AMELY: variants seen among roughly 807,000 people sequenced by gnomAD.
AMELY encodes amelogenin Y-linked.
In AMELY, 4 loss-of-function variants were observed where a neutral mutation model predicts 4.2. That is an observed-to-expected ratio of 0.96 (90% CI 0.47 to 2.19). The LOEUF (loss-of-function observed/expected upper bound fraction) is 2.19, where lower values mean the gene tolerates loss of function less well. AMELY is among the 30% of genes most tolerant of loss of function. The pLI is 0.02. For missense variants in AMELY, 32 were observed against 41.5 expected (o/e 0.77, Z 0.63); for synonymous variants, 11 against 14.7 (o/e 0.75, Z 0.57).
At chrY:6,884,513 C>A (rs2054077637) in intron 1 of AMELY, among the ~76,000 whole-genome samples, 1 of 32,080 alleles carries the variant, frequency 3.1e-5, no homozygotes, top group African/African-American at 1.2e-4. Context: ...GCTAAACATC[C>A]CACTTAAAAA....
chrY:6,881,335 G>A (rs2054074833), intron 1 of AMELY, among the ~76,000 whole-genome samples: 1 of 33,178 alleles, frequency 3.0e-5, no homozygotes, highest in Non-Finnish European at 7.4e-5. Context: ...CAGAACCAAT[G>A]ACAAAAACCA....
chrY:6,867,109 C>T, intron 6 of AMELY, among the ~76,000 whole-genome samples: 1 of 33,222 alleles, frequency 3.0e-5, no homozygotes, highest in Non-Finnish European at 7.4e-5. Context: ...TGTCATTTTC[C>T]CCCATTTAAA....
At chrY:6,888,399 G>T (rs2054081250) in intron 1 of AMELY, among the ~76,000 whole-genome samples, 3 of 32,924 alleles carry the variant, frequency 9.1e-5, no homozygotes, top group Non-Finnish European at 2.2e-4. Flanking sequence ...TTTTTCTGTA[G>T]GTTGAAGCAT....
intron 1 of AMELY, among the ~76,000 whole-genome samples, chrY:6,887,351 C>A (rs2054080653): frequency 3.0e-5 from 1 of 33,145 alleles, no homozygotes; most frequent in Non-Finnish European, 7.4e-5. Flanking sequence ...GCAAATGATT[C>A]AAACAATAAT....
chrY:6,886,331 G>A (rs895657654), intron 1 of AMELY, among the ~76,000 whole-genome samples: 3 of 33,618 alleles, frequency 8.9e-5, no homozygotes, highest in Non-Finnish European at 1.5e-4. Flanking sequence ...AGAAATAACC[G>A]ATAAACATGA....
chrY:6,867,777 CATAAT>C (rs2124079812), intron 6 of AMELY, among the ~76,000 whole-genome samples: 1 of 33,182 alleles, frequency 3.0e-5, no homozygotes, highest in African/African-American at 1.2e-4. Context: ...AATGGGTTGT[CATAAT>C]ATACAGTCTG....
chrY:6,884,609 G>A (rs964729962), intron 1 of AMELY, among the ~76,000 whole-genome samples: 3 of 32,226 alleles, frequency 9.3e-5, no homozygotes, highest in Admixed American at 2.9e-4. Context: ...ATACTCACAA[G>A]CTCAAAATAA....
intron 1 of AMELY, among the ~76,000 whole-genome samples, chrY:6,899,658 AG>A (rs2054088175): frequency 3.1e-5 from 1 of 32,017 alleles, no homozygotes; most frequent in African/African-American, 1.2e-4. Flanking sequence ...GCTTCAACTC[AG>A]GAGGTGGAGG....
chrY:6,892,312 A>T, intron 1 of AMELY, among the ~76,000 whole-genome samples: 4 of 33,855 alleles, frequency 1.2e-4, no homozygotes, highest in African/African-American at 4.6e-4. Context: ...AATAAAAATC[A>T]GAAAGGTTGG....
intron 1 of AMELY, among the ~76,000 whole-genome samples, chrY:6,882,794 A>G: frequency 3.0e-5 from 1 of 33,402 alleles, no homozygotes; most frequent in Non-Finnish European, 7.4e-5. Flanking sequence ...GGATATGAAC[A>G]GACACTTCTC....
intron 1 of AMELY, among the ~76,000 whole-genome samples, chrY:6,908,450 A>C (rs765054959): frequency 5.0e-4 from 8 of 16,159 alleles, no homozygotes; most frequent in African/African-American, 2.1e-3. Context: ...AGGGAAAGTC[A>C]GTCTCCAAAA....
intron 1 of AMELY, among the ~76,000 whole-genome samples, chrY:6,908,307 T>G: frequency 3.3e-5 from 1 of 30,577 alleles, no homozygotes. Flanking sequence ...AACACAAAAA[T>G]TAGCCAGGTG....
At chrY:6,890,792 T>TA in intron 1 of AMELY, among the ~76,000 whole-genome samples, 1 of 33,756 alleles carries the variant, frequency 3.0e-5, no homozygotes, top group South Asian at 6.9e-4. Flanking sequence ...TCACTGGTGG[T>TA]GCTAGGTTCT....
intron 1 of AMELY, among the ~76,000 whole-genome samples, chrY:6,885,942 G>T: frequency 2.9e-5 from 1 of 34,315 alleles, no homozygotes; most frequent in Non-Finnish European, 7.3e-5. Context: ...CACCTGGGTG[G>T]TGGAATCATT....
chrY:6,904,694 G>A lies in AMELY; in HGVS notation c.-113+6979C>T, dbSNP rs757578186. Among the ~76,000 whole-genome samples the A allele has an allele frequency of 4.8e-4, 16 of 33,053 alleles. No homozygotes were observed. In the South Asian group the frequency reaches 0.011, roughly 23 times the overall value. 88.7% of individuals were successfully genotyped at this position (33,053 alleles called of 37,273 possible). On this transcript the variant is annotated intron_variant, in intron 1 of 6. Transcript: ENST00000651267. ...TCATGTAACTTACTTGTGCTCTCACGACCTACTACAGCCCAATCACATATA... is the reference window on the plus strand; with the variant it reads ...TCATGTAACTTACTTGTGCTCTCACAACCTACTACAGCCCAATCACATATA...
Position 6,894,351 on chromosome Y carries a change from C to T in AMELY, c.-113+17322G>A, listed in dbSNP as rs756061894. Among the ~76,000 whole-genome samples, 17 of 33,640 alleles carry T rather than the reference C, an allele frequency of 5.1e-4. No individual in the cohort carries two copies. In the South Asian group the frequency reaches 0.011, roughly 22 times the overall value. 90.3% of individuals were successfully genotyped at this position (33,640 alleles called of 37,273 possible). The stretch of plus-strand genomic sequence containing the variant: ...TATCTTGTCATGCATGACCCCATGC[C>T]CTTATGCTAGGAGATGTGTCATGTC... On this transcript the variant is annotated intron_variant, in intron 1 of 6. Coordinates refer to ENST00000651267, the MANE Select transcript of AMELY (RefSeq NM_001143.2).
intron 1 of AMELY, among the ~76,000 whole-genome samples, chrY:6,882,287 A>G (rs2054075472): frequency 3.0e-5 from 1 of 32,800 alleles, no homozygotes; most frequent in South Asian, 7.0e-4. Context: ...TCAGAAATAC[A>G]CCACATATCT....
intron 1 of AMELY, among the ~76,000 whole-genome samples, chrY:6,894,167 C>T (rs975783708): frequency 8.7e-4 from 29 of 33,310 alleles, no homozygotes; most frequent in Admixed American, 8.3e-4. Flanking sequence ...CCAGCTGCAA[C>T]GACATCTCCA....
intron 1 of AMELY, among the ~76,000 whole-genome samples, chrY:6,885,461 C>T (rs2054079512): frequency 3.0e-5 from 1 of 33,891 alleles, no homozygotes; most frequent in Non-Finnish European, 7.3e-5. Context: ...GGCGACAGAG[C>T]GAGACTCTAT....
Sources: allele counts gnomAD v4.1 joint callset (sites outside exome capture counted in the v4.1 genomes callset), GRCh38; gene constraint gnomAD v4.1.1; transcripts MANE v1.5; gene names NCBI Gene and HGNC (gene_info 2026-07-23, HGNC 2026-07-21).